Variants in INPP4B observed in about 807,000 individuals in gnomAD.
INPP4B encodes the protein inositol polyphosphate-4-phosphatase type II B.
In INPP4B, 55 loss-of-function variants were observed where a neutral mutation model predicts 122.5. That is an observed-to-expected ratio of 0.45 (90% confidence interval 0.36 to 0.56). INPP4B has a LOEUF of 0.56. INPP4B is among the 20% of genes least tolerant of loss of function. The probability of loss-of-function intolerance (pLI) is 0.00; values close to 1 mark genes in which losing one functional copy is unlikely to be tolerated. For missense variants in INPP4B, 1,000 were observed against 1,097.7 expected, an observed-to-expected ratio of 0.91 and a Z score of 1.26; for synonymous variants, 403 against 388.7, an observed-to-expected ratio of 1.04 and a Z score of -0.43.
In INPP4B at chr4:142,305,643, C is replaced by A. The variant is rs930043400; in HGVS notation, c.424-106G>T. The stretch of plus-strand genomic sequence containing the variant: ...TCTTTAGAAGAATGAAATATTAAAT[C>A]TATTAGCCTGACAAATATTTCAGTA... On this transcript the variant is annotated intron_variant, in intron 8 of 25. Transcript: ENST00000262992. 17 of 1,487,904 alleles carry A rather than the reference C, an allele frequency of 1.1e-5. No individual in the cohort carries two copies. In the South Asian group the frequency reaches 2.0e-4, roughly 18 times the overall value. The allele number at this position is 1,487,904 out of a possible 1,614,324, so 92.2% of individuals were successfully genotyped here.
intron 17 of INPP4B, among the ~76,000 whole-genome samples, chr4:142,156,747 G>A (rs1817434385): frequency 6.6e-6 from 1 of 152,062 alleles, no homozygotes; most frequent in South Asian, 2.1e-4. Context: ...AGAAAGGACA[G>A]CCTCATAGTG....
At chr4:142,271,923 A>C (rs1466371878) in intron 9 of INPP4B, among the ~76,000 whole-genome samples, 1 of 152,198 alleles carries the variant, frequency 6.6e-6, no homozygotes, top group South Asian at 2.1e-4. Flanking sequence ...AGCAAGAAAA[A>C]CTACAGAATA....
chr4:142,827,366 T>C (rs2151171683), intron 1 of INPP4B, among the ~76,000 whole-genome samples: 1 of 152,294 alleles, frequency 6.6e-6, no homozygotes. Flanking sequence ...AACCTAAGTC[T>C]TCAAGTCCAG....
intron 1 of INPP4B, among the ~76,000 whole-genome samples, chr4:142,780,953 C>T (rs935110877): frequency 5.3e-5 from 8 of 152,092 alleles, no homozygotes; most frequent in African/African-American, 1.9e-4. Context: ...ATAGAAAGTG[C>T]CTATGAGCTC....
intron 3 of INPP4B, among the ~76,000 whole-genome samples, chr4:142,460,521 CTTTCT>C (rs1816495958): frequency 6.6e-6 from 1 of 152,088 alleles, no homozygotes; most frequent in Non-Finnish European, 1.5e-5. Context: ...GGTCTATTTT[CTTTCT>C]TTTCTTTTTT....
chr4:142,225,610 A>C (rs1389290202), intron 12 of INPP4B, among the ~76,000 whole-genome samples: 1 of 151,144 alleles, frequency 6.6e-6, no homozygotes, highest in East Asian at 1.9e-4. Context: ...GAATATTTGT[A>C]TCCTTTCCTC....
intron 1 of INPP4B, among the ~76,000 whole-genome samples, chr4:142,737,770 A>AAAAC (rs1767193085): frequency 2.0e-5 from 3 of 151,674 alleles, no homozygotes; most frequent in East Asian, 1.9e-4. Flanking sequence ...TTACAAGAAA[A>AAAAC]AAACAACCCC....
At chr4:142,164,545 T>C (rs977506081) in intron 16 of INPP4B, among the ~76,000 whole-genome samples, 3 of 151,788 alleles carry the variant, frequency 2.0e-5, no homozygotes, top group Admixed American at 6.6e-5. Flanking sequence ...AAGGAAAGCA[T>C]GTTAGACTAA....
chr4:142,248,652 A>ATGTG (rs879745545), intron 11 of INPP4B, among the ~76,000 whole-genome samples: 1 of 127,828 alleles, frequency 7.8e-6, no homozygotes, highest in Non-Finnish European at 1.7e-5. Flanking sequence ...GTGTGTGTGT[A>ATGTG]TGTGTGTGTG....
At chr4:142,729,280 G>T (rs1227884021) in intron 1 of INPP4B, among the ~76,000 whole-genome samples, 3 of 152,120 alleles carry the variant, frequency 2.0e-5, no homozygotes, top group Non-Finnish European at 2.9e-5. Context: ...TCCACGGCTT[G>T]GGGGTTGGGG....
chr4:142,518,637 C>T (rs544600979), intron 2 of INPP4B: 1 of 152,226 alleles, frequency 6.6e-6, no homozygotes, highest in African/African-American at 2.4e-5. Context: ...GAGTGTATGA[C>T]TTCCAAGGTT....
chr4:142,077,885 AC>A (rs1288963331), intron 25 of INPP4B, among the ~76,000 whole-genome samples: 5 of 151,914 alleles, frequency 3.3e-5, no homozygotes, highest in African/African-American at 1.2e-4. Flanking sequence ...AATAAAGTAG[AC>A]TTTAGTCAAG....
At chr4:142,733,012 G>C (rs989430897) in intron 1 of INPP4B, among the ~76,000 whole-genome samples, 5 of 152,018 alleles carry the variant, frequency 3.3e-5, no homozygotes, top group Non-Finnish European at 7.4e-5. Context: ...ACTCACACAA[G>C]TTATAACAAC....
intron 2 of INPP4B, among the ~76,000 whole-genome samples, chr4:142,714,055 T>G (rs944174909): frequency 6.6e-6 from 1 of 152,202 alleles, no homozygotes; most frequent in Non-Finnish European, 1.5e-5. Context: ...TTAAACAGAT[T>G]TCTTTACAGC....
chr4:142,579,794 A>T lies in INPP4B; in HGVS notation c.-190-117068T>A, dbSNP rs146353449. On this transcript the variant is annotated intron_variant, in intron 2 of 25. Transcript: ENST00000262992. ...GCTGACTCACTCAGATAATCGTGGGACTTGCCAGACTCCAAATCACATGAG... is the reference window on the plus strand; with the variant it reads ...GCTGACTCACTCAGATAATCGTGGGTCTTGCCAGACTCCAAATCACATGAG... Among the ~76,000 whole-genome samples the T allele has an allele frequency of 3.3e-3, 493 of 151,384 alleles. 7 individuals carry two copies. The highest frequency in any genetic ancestry group is 0.018 in the East Asian group (92 of 5,078).
At chr4:142,808,974 A>C (rs895129375) in intron 1 of INPP4B, among the ~76,000 whole-genome samples, 1 of 152,148 alleles carries the variant, frequency 6.6e-6, no homozygotes, top group African/African-American at 2.4e-5. Context: ...TAGGTGAAAT[A>C]TACAAAATAC....
At chr4:142,527,802 AC>A (rs1205989080) in intron 2 of INPP4B, among the ~76,000 whole-genome samples, 3 of 152,018 alleles carry the variant, frequency 2.0e-5, no homozygotes, top group Non-Finnish European at 4.4e-5. Context: ...GGCAATTCTT[AC>A]TACATTGACT....
intron 25 of INPP4B, among the ~76,000 whole-genome samples, chr4:142,061,993 C>A (rs1395603470): frequency 6.7e-6 from 1 of 149,606 alleles, no homozygotes; most frequent in Admixed American, 6.7e-5. Flanking sequence ...AAATTCATTC[C>A]AATTTACTCT....
chr4:142,529,819 T>C (rs1827369132), intron 2 of INPP4B, among the ~76,000 whole-genome samples: 1 of 152,030 alleles, frequency 6.6e-6, no homozygotes, highest in African/African-American at 2.4e-5. Context: ...TAACTGGTAA[T>C]GGGTGAGAGA....
Sources: allele counts gnomAD v4.1 joint callset (sites outside exome capture counted in the v4.1 genomes callset), GRCh38; gene constraint gnomAD v4.1.1; transcripts MANE v1.5; gene names NCBI Gene and HGNC (gene_info 2026-07-23, HGNC 2026-07-21).